The following ITGA8 variants were observed in gnomAD, a reference collection of about 807,000 sequenced individuals.
ITGA8 encodes the protein integrin alpha-8.
Under a neutral mutation model 142.3 loss-of-function variants are expected in ITGA8, and 91 were observed. That is an observed-to-expected ratio of 0.64 (90% CI 0.54 to 0.76). The LOEUF is 0.76. Ranked by LOEUF, ITGA8 falls within the 30% of genes least tolerant of loss-of-function variation. The pLI, the probability that ITGA8 is intolerant of heterozygous loss-of-function variation, is 0.00. For synonymous variants in ITGA8, 505 were observed against 485.2 expected, an observed-to-expected ratio of 1.04 and a Z score of -0.54; for missense variants, 1,406 against 1,327.7, an observed-to-expected ratio of 1.06 and a Z score of -0.92.
intron 2 of ITGA8, among the ~76,000 whole-genome samples, chr10:15,715,405 T>C (rs1835432318): frequency 1.3e-5 from 2 of 152,172 alleles, no homozygotes; most frequent in African/African-American, 4.8e-5. Flanking sequence ...TTAGTCATAA[T>C]CCTGAACTTG....
chr10:15,615,978 A>C lies in ITGA8; in HGVS notation c.1445+536T>G, dbSNP rs11815149. Among the ~76,000 whole-genome samples the C allele has an allele frequency of 4.4e-3, 674 of 152,352 alleles. 4 individuals carry two copies. The highest frequency in any genetic ancestry group is 0.015 in the African/African-American group (633 of 41,594). ...TACAGATCAGAAATCTGAAACTCTG[A>C]AAGTGATAAGAACTTGCCCAAGATT... On this transcript the variant is annotated intron_variant, in intron 14 of 29. Coordinates refer to ENST00000378076, the MANE Select transcript of ITGA8 (RefSeq NM_003638.3).
At chr10:15,704,056 C>T (rs1835214203) in intron 2 of ITGA8, among the ~76,000 whole-genome samples, 1 of 152,182 alleles carries the variant, frequency 6.6e-6, no homozygotes, top group Non-Finnish European at 1.5e-5. Context: ...TTAACCAAGC[C>T]AGAACCTTGG....
At chr10:15,542,786 A>C (rs962555682) in intron 27 of ITGA8, among the ~76,000 whole-genome samples, 1 of 152,334 alleles carries the variant, frequency 6.6e-6, no homozygotes, top group East Asian at 1.9e-4. Context: ...TGCAGCTGAC[A>C]ATAATAATAC....
intron 10 of ITGA8, among the ~76,000 whole-genome samples, chr10:15,655,868 T>G (rs2131665784): frequency 6.6e-6 from 1 of 152,234 alleles, no homozygotes; most frequent in Non-Finnish European, 1.5e-5. Context: ...AGAGGGTCAC[T>G]TGAGTCCAGG....
chr10:15,679,453 A>G (rs2353945), intron 4 of ITGA8, among the ~76,000 whole-genome samples: 126,711 of 151,990 alleles, frequency 0.83, 53,114 homozygotes, highest in Middle Eastern at 0.89. Flanking sequence ...ATGGTGGTGC[A>G]TGCCTGCAGG....
intron 25 of ITGA8, among the ~76,000 whole-genome samples, chr10:15,566,220 G>T (rs534670140): frequency 2.6e-5 from 4 of 152,228 alleles, no homozygotes; most frequent in African/African-American, 9.6e-5. Flanking sequence ...GGACTGGTCT[G>T]GTTCAGGAGA....
At chr10:15,519,665 G>T (rs1035148549) in intron 28 of ITGA8, among the ~76,000 whole-genome samples, 1 of 152,076 alleles carries the variant, frequency 6.6e-6, no homozygotes, top group African/African-American at 2.4e-5. Flanking sequence ...AGAAACCCTA[G>T]AATAGAATTG....
chr10:15,699,713 T>C (rs938987038), intron 2 of ITGA8, among the ~76,000 whole-genome samples: 5 of 152,196 alleles, frequency 3.3e-5, no homozygotes, highest in African/African-American at 1.2e-4. Context: ...TGCTGGGTCA[T>C]AGAGAATGAT....
rs531019192 is a variant in ITGA8, at chr10:15,668,619, G to A, written c.847+2984C>T. On this transcript the variant is annotated intron_variant, in intron 8 of 29. Coordinates refer to ENST00000378076, the MANE Select transcript of ITGA8 (RefSeq NM_003638.3). ...GATGCAGTTTCTTCCTAGCCTGGAT[G>A]GTCTTTACAATTTGGCATGTTTTTG... 9.2e-5 allele frequency among the ~76,000 whole-genome samples: 14 copies of A among 152,248 alleles called. No homozygotes were observed. The South Asian group carries it at 2.9e-3, about 32-fold the overall frequency.
At chr10:15,672,896 A>C (rs1376055472) in intron 6 of ITGA8, 147 bp from the exon 7 acceptor site, 5 of 788,470 alleles carry the variant, frequency 6.3e-6, no homozygotes, top group Non-Finnish European at 5.7e-6. Context: ...ACTCCAAGGC[A>C]GAGTTAGTTA....
intron 13 of ITGA8, among the ~76,000 whole-genome samples, chr10:15,639,104 T>C (rs1030722987): frequency 1.3e-5 from 2 of 151,644 alleles, no homozygotes; most frequent in African/African-American, 4.9e-5. Flanking sequence ...CACTCCAGCC[T>C]GGGTGACAGC....
chr10:15,681,467 A>C (rs1834735953), intron 4 of ITGA8, among the ~76,000 whole-genome samples: 1 of 152,178 alleles, frequency 6.6e-6, no homozygotes, highest in Non-Finnish European at 1.5e-5. Context: ...GTCTTTGTTG[A>C]GCTGTTAGGC....
chr10:15,677,525 T>G, intron 6 of ITGA8, 67 bp downstream of exon 6: 1 of 1,257,204 alleles, frequency 8.0e-7, no homozygotes, highest in Non-Finnish European at 1.1e-6. Flanking sequence ...CATTTAACAC[T>G]ACTTCTGGGT....
chr10:15,687,234 C>A (rs538334082), intron 3 of ITGA8, among the ~76,000 whole-genome samples: 6 of 151,972 alleles, frequency 3.9e-5, no homozygotes, highest in South Asian at 4.2e-4. Context: ...AAGTAGATTT[C>A]AACAAATCCT....
intron 27 of ITGA8, among the ~76,000 whole-genome samples, chr10:15,547,969 G>A (rs898184196): frequency 6.6e-6 from 1 of 151,884 alleles, no homozygotes; most frequent in Admixed American, 6.6e-5. Flanking sequence ...TTTACCTGCT[G>A]GGAAAAATGA....
chr10:15,715,722 A>G (rs559151038), intron 2 of ITGA8, among the ~76,000 whole-genome samples: 1 of 152,292 alleles, frequency 6.6e-6, no homozygotes, highest in South Asian at 2.1e-4. Context: ...TCCACCTTTC[A>G]TCTTTCGTTT....
chr10:15,705,083 A>C (rs948599277), intron 2 of ITGA8, among the ~76,000 whole-genome samples: 55 of 152,226 alleles, frequency 3.6e-4, no homozygotes, highest in African/African-American at 1.3e-3. Flanking sequence ...TGTGTCTGTA[A>C]TTTATCCTTA....
At chr10:15,551,047 G>A (rs1412900008) in intron 26 of ITGA8, among the ~76,000 whole-genome samples, 1 of 152,082 alleles carries the variant, frequency 6.6e-6, no homozygotes, top group East Asian at 1.9e-4. Context: ...GAATGGGGTG[G>A]ATGGGTGCTG....
intron 15 of ITGA8, among the ~76,000 whole-genome samples, chr10:15,609,203 T>C (rs1833249621): frequency 1.3e-5 from 2 of 152,126 alleles, no homozygotes; most frequent in African/African-American, 4.8e-5. Flanking sequence ...ATGAAAGTGC[T>C]CACCTCTCCC....
Sources: allele counts gnomAD v4.1 joint callset (sites outside exome capture counted in the v4.1 genomes callset), GRCh38; gene constraint gnomAD v4.1.1; transcripts MANE v1.5; gene names NCBI Gene and HGNC (gene_info 2026-07-23, HGNC 2026-07-21).